Variants in TLCD3B observed in about 807,000 individuals in gnomAD.
The protein encoded by TLCD3B is ceramide synthase.
A neutral mutation model predicts 23.0 loss-of-function variants in TLCD3B; 9 were observed. That is an observed-to-expected ratio of 0.39 (90% CI 0.24 to 0.68). The LOEUF is 0.68. TLCD3B is among the 30% of genes least tolerant of loss of function. The pLI, the probability that TLCD3B is intolerant of heterozygous loss-of-function variation, is 0.44. For synonymous variants in TLCD3B, 161 were observed against 161.0 expected (o/e 1.00, Z 0.00); for missense variants, 307 against 371.8 (o/e 0.83, Z 1.43).
At chr16:30,032,399 G>C (rs928126617), upstream of TLCD3B, among the ~76,000 whole-genome samples, 1 of 152,176 alleles carries the variant, frequency 6.6e-6, no homozygotes. Context: ...GGGATTTGCT[G>C]TTTTGTGCTG....
intron 1 of TLCD3B, among the ~76,000 whole-genome samples, chr16:30,050,549 AC>A (rs2071734532): frequency 1.3e-5 from 2 of 152,178 alleles, no homozygotes; most frequent in Non-Finnish European, 2.9e-5. Context: ...CTCAAAAAAA[AC>A]AAAAACAAAA....
Position 30,025,460 on chromosome 16 carries a change from T to C in TLCD3B, c.548A>G (p.Gln183Arg), listed in dbSNP as rs552445946. The C allele has an allele frequency of 1.9e-6, 3 of 1,612,070 alleles. No homozygotes were observed. The highest frequency in any genetic ancestry group is 3.3e-5 in the Admixed American group (2 of 59,796). ...CLGKILIQYK[Q>R]QHTLLHKVNG... is the part of the protein sequence containing the mutation. ...CACCTTGTGCAGCAGTGTGTGCTGCTGCTTGTACTGAGGAGACACAGACAC... is the reference window on the plus strand; with the variant it reads ...CACCTTGTGCAGCAGTGTGTGCTGCCGCTTGTACTGAGGAGACACAGACAC... The change falls in exon 5 of 5, where the codon CAG (glutamine) becomes CGG (arginine). Residue 183 changes from glutamine to arginine, a missense_variant. Physicochemically the swap from Gln to Arg is conservative, Grantham distance 43. Transcript: ENST00000380495. The surrounding 1 kb of genome is among the most constrained non-coding windows in gnomAD (Gnocchi z 4.1).
rs2071027482 is a variant in TLCD3B, at chr16:30,024,817, G to A, written c.*366C>T. On this transcript the variant is annotated 3_prime_UTR_variant, in exon 5 of 5. Transcript: ENST00000380495. ...CTCTCGGGTGATGGGGAGCCCTGGG[G>A]GATGGCAGCATAGGGGCTGGGATGG... 4.2e-6 allele frequency: 1 copy of A among 235,590 alleles called. No individual in the cohort carries two copies. Among genetic ancestry groups the A allele is most frequent in the Non-Finnish European group, 8.1e-6 (1 of 123,568 alleles). The allele number at this position is 235,590 out of a possible 1,614,324, so 14.6% of individuals were successfully genotyped here. A position where few individuals can be genotyped will look rare whatever the true frequency, so the allele number is the denominator to read the frequency against.
At chr16:30,026,947 G>T in intron 2 of TLCD3B, 104 bp from the exon 3 acceptor site, 1 of 976,090 alleles carries the variant, frequency 1.0e-6, no homozygotes, top group Non-Finnish European at 1.6e-6. Context: ...CAGGAGCGGA[G>T]TCTTGGGTAC....
chr16:30,034,886 C>T (rs946087138), upstream of TLCD3B, among the ~76,000 whole-genome samples: 1 of 151,344 alleles, frequency 6.6e-6, no homozygotes, highest in Non-Finnish European at 1.5e-5. Flanking sequence ...TCACAAAAGA[C>T]CCCACTGTTG....
upstream of TLCD3B, among the ~76,000 whole-genome samples, chr16:30,034,407 T>C (rs2071425481): frequency 1.4e-5 from 1 of 73,890 alleles, no homozygotes; most frequent in African/African-American, 7.9e-5. Flanking sequence ...ACCCTGTCTC[T>C]ACCAAAAAAA....
intron 3 of TLCD3B, among the ~76,000 whole-genome samples, chr16:30,036,950 TGGTGGGA>T (rs201729237): frequency 0.012 from 1,749 of 151,620 alleles, 23 homozygotes; most frequent in African/African-American, 0.04. Flanking sequence ...CCAGGCGTGA[TGGTGGGA>T]ACCTGTAATC....
At chr16:30,035,021 CCT>C (rs1472228379), upstream of TLCD3B, 1 of 179,662 alleles carries the variant, frequency 5.6e-6, no homozygotes, top group East Asian at 1.6e-4. Context: ...ATGTGATTCC[CCT>C]GTCTCAGCCT....
chr16:30,025,699 C>T lies in TLCD3B; in HGVS notation c.540+27G>A. 6.2e-7 allele frequency: 1 copy of T among 1,610,604 alleles called. No individual in the cohort carries two copies. Among genetic ancestry groups the T allele is most frequent in the Non-Finnish European group, 8.5e-7 (1 of 1,176,966 alleles). ...CCCTTCCTGTGACCTCCCCATTGGG[C>T]TCCTGCACCCTCCCATGCTCACTCA... On this transcript the variant is annotated intron_variant, in intron 4 of 4. Transcript: ENST00000380495. The surrounding 1 kb of genome is among the most constrained non-coding windows in gnomAD (Gnocchi z 4.1).
At chr16:30,036,438 A>G in intron 3 of TLCD3B, 2 of 1,256,070 alleles carry the variant, frequency 1.6e-6, no homozygotes, top group African/African-American at 1.6e-5. Flanking sequence ...TGGAGCAGGC[A>G]CAGGCAGGAT....
Position 30,024,537 on chromosome 16 carries a change from A to G in TLCD3B, c.*646T>C, listed in dbSNP as rs1189129474. On this transcript the variant is annotated 3_prime_UTR_variant, in exon 5 of 5. Coordinates refer to ENST00000380495, the MANE Select transcript of TLCD3B (RefSeq NM_031478.6). ...AGGTCAGTAGCACCAGGGACATGGCAGGGCCCGAGGGCGCGATGTGCAGCC... is the reference window on the plus strand; with the variant it reads ...AGGTCAGTAGCACCAGGGACATGGCGGGGCCCGAGGGCGCGATGTGCAGCC... 1 of 434,872 alleles carries G rather than the reference A, an allele frequency of 2.3e-6. No homozygotes were observed. The highest frequency in any genetic ancestry group is 4.1e-6 in the Non-Finnish European group (1 of 242,718). 26.9% of individuals were successfully genotyped at this position (434,872 alleles called of 1,614,324 possible). A position where few individuals can be genotyped will look rare whatever the true frequency, so the allele number is the denominator to read the frequency against.
Position 30,025,596 on chromosome 16 carries a change from C to T in TLCD3B, c.541-129G>A. ...AGACACTTTGCCAGGACACAAGCACCAGGTGCTCAAAATGCACGGGGTGAG... is the reference window on the plus strand; with the variant it reads ...AGACACTTTGCCAGGACACAAGCACTAGGTGCTCAAAATGCACGGGGTGAG... On this transcript the variant is annotated intron_variant, in intron 4 of 4. Coordinates refer to ENST00000380495, the MANE Select transcript of TLCD3B (RefSeq NM_031478.6). The surrounding 1 kb of genome is among the most constrained non-coding windows in gnomAD (Gnocchi z 4.1). 6.7e-7 allele frequency: 1 copy of T among 1,490,780 alleles called. No homozygotes were observed. Among genetic ancestry groups the T allele is most frequent in the Middle Eastern group, 1.7e-4 (1 of 5,848 alleles). The allele number at this position is 1,490,780 out of a possible 1,614,324, so 92.3% of individuals were successfully genotyped here.
intron 2 of TLCD3B, among the ~76,000 whole-genome samples, chr16:30,028,838 C>T (rs1292881090): frequency 6.6e-6 from 1 of 152,202 alleles, no homozygotes; most frequent in African/African-American, 2.4e-5. Context: ...CGGACAGGGC[C>T]CCTCTCCTCC....
intron 3 of TLCD3B, among the ~76,000 whole-genome samples, chr16:30,038,979 A>G (rs898258447): frequency 2.0e-5 from 3 of 152,052 alleles, no homozygotes; most frequent in Admixed American, 6.6e-5. Flanking sequence ...TATAGAAAAC[A>G]TAAACTTATT....
chr16:30,048,548 T>C (rs1350583015), intron 1 of TLCD3B, among the ~76,000 whole-genome samples: 1 of 152,152 alleles, frequency 6.6e-6, no homozygotes, highest in Non-Finnish European at 1.5e-5. Context: ...GTGAGGTCAA[T>C]TGACTTGTCC....
chr16:30,036,079 T>G, upstream of TLCD3B: 1 of 1,208,596 alleles, frequency 8.3e-7, no homozygotes, highest in Non-Finnish European at 1.1e-6. Context: ...ACTCTTAAAC[T>G]CCACCATTTT....
In TLCD3B at chr16:30,025,521, G is replaced by A. The variant is rs1249090539; in HGVS notation, c.541-54C>T. 4 of 1,601,078 alleles carry A rather than the reference G, an allele frequency of 2.5e-6. No homozygotes were observed. The highest frequency in any genetic ancestry group is 3.4e-6 in the Non-Finnish European group (4 of 1,173,356). On this transcript the variant is annotated intron_variant, in intron 4 of 4. Coordinates refer to ENST00000380495, the MANE Select transcript of TLCD3B (RefSeq NM_031478.6). The surrounding 1 kb of genome is among the most constrained non-coding windows in gnomAD (Gnocchi z 4.1). Reference sequence around the variant, plus strand: ...GCAGCAGAAGGGCTCGGCCCCCCTTGGCCCTCTCCCTGCCTCCCTGCGACC... The same window carrying A: ...GCAGCAGAAGGGCTCGGCCCCCCTTAGCCCTCTCCCTGCCTCCCTGCGACC...
At chr16:30,030,044 GC>G (rs1388198696) in intron 1 of TLCD3B, 1 of 1,341,786 alleles carries the variant, frequency 7.5e-7, no homozygotes, top group East Asian at 4.8e-5. Flanking sequence ...TCCATCCCTG[GC>G]CCCCAAACAC....
At chr16:30,035,237 C>T (rs371598637), upstream of TLCD3B, 10 of 1,169,842 alleles carry the variant, frequency 8.5e-6, no homozygotes, top group East Asian at 4.1e-4. Context: ...ACTCCACATT[C>T]CAGCTCCACT....
Sources: allele counts gnomAD v4.1 joint callset (sites outside exome capture counted in the v4.1 genomes callset), GRCh38; gene constraint gnomAD v4.1.1; non-coding constraint Gnocchi (gnomAD v3.1); transcripts MANE v1.5; gene names NCBI Gene and HGNC (gene_info 2026-07-23, HGNC 2026-07-21).